KAZN: variants seen among roughly 807,000 people sequenced by gnomAD.
KAZN encodes the protein kazrin.
Under a neutral mutation model 87.4 loss-of-function variants are expected in KAZN, and 40 were observed. The observed-to-expected ratio is 0.46, with a 90% CI of 0.36 to 0.60. The LOEUF is 0.60. Ranked by LOEUF, KAZN falls within the 20% of genes least tolerant of loss-of-function variation. The probability of loss-of-function intolerance (pLI) is 0.00; values close to 1 mark genes in which losing one functional copy is unlikely to be tolerated. For synonymous variants in KAZN, 466 were observed against 458.3 expected, an observed-to-expected ratio of 1.02 and a Z score of -0.22; for missense variants, 898 against 1,073.9, an observed-to-expected ratio of 0.84 and a Z score of 2.29.
At chr1:14,498,049 T>A (rs942935131) in intron 2 of KAZN, among the ~76,000 whole-genome samples, 2 of 152,088 alleles carry the variant, frequency 1.3e-5, no homozygotes, top group African/African-American at 4.8e-5. Context: ...CTTCACCTCA[T>A]TCGTATTCAA....
At chr1:14,887,038 G>A (rs1029681904) in intron 1 of KAZN, among the ~76,000 whole-genome samples, 4 of 152,162 alleles carry the variant, frequency 2.6e-5, no homozygotes, top group Non-Finnish European at 4.4e-5. Flanking sequence ...CACGAGTGTG[G>A]TTGTGAGGAT....
rs1009729953 is a variant in KAZN, at chr1:14,722,159, A to T, written c.226+122936A>T. 2.7e-4 allele frequency among the ~76,000 whole-genome samples: 34 copies of T among 124,740 alleles called. 1 individual carries two copies. The highest frequency in any genetic ancestry group is 5.0e-4 in the Non-Finnish European group (27 of 53,566). 81.8% of individuals were successfully genotyped at this position (124,740 alleles called of 152,430 possible). ...GAGTGAGACTCTGTCTCAAAAAAAA[A>T]AAAGAATAAAAAATAAAAAATGGTG... is the stretch of plus-strand genomic sequence containing the variant. On this transcript the variant is annotated intron_variant, in intron 1 of 14. Coordinates refer to ENST00000376030, the MANE Select transcript of KAZN (RefSeq NM_201628.3).
At chr1:14,861,665 G>C (rs1650869542) in intron 1 of KAZN, among the ~76,000 whole-genome samples, 1 of 152,100 alleles carries the variant, frequency 6.6e-6, no homozygotes, top group Non-Finnish European at 1.5e-5. Flanking sequence ...GTGGGCATGG[G>C]GCTGGGGTCC....
intron 2 of KAZN, among the ~76,000 whole-genome samples, chr1:14,362,036 G>A (rs138442497): frequency 1.1e-4 from 16 of 152,268 alleles, no homozygotes; most frequent in African/African-American, 3.9e-4. Flanking sequence ...TTCAGAAACT[G>A]CCCAAAAGCC....
At chr1:14,207,420 C>T (rs1646768012) in intron 2 of KAZN, among the ~76,000 whole-genome samples, 1 of 152,100 alleles carries the variant, frequency 6.6e-6, no homozygotes, top group African/African-American at 2.4e-5. Flanking sequence ...CCCTCCCAAC[C>T]CGAGCATCAT....
chr1:14,574,216 G>A (rs1675042904), intron 2 of KAZN, among the ~76,000 whole-genome samples: 2 of 152,278 alleles, frequency 1.3e-5, no homozygotes, highest in Non-Finnish European at 2.9e-5. Context: ...ATAGCTTGGG[G>A]AAGTTGAACT....
chr1:14,016,961 C>T (rs1462169966), intron 1 of KAZN, among the ~76,000 whole-genome samples: 1 of 152,170 alleles, frequency 6.6e-6, no homozygotes, highest in African/African-American at 2.4e-5. Flanking sequence ...GCTGCTTTGG[C>T]AGAGTTTTGG....
At chr1:15,083,594 T>G (rs1640111851) in intron 8 of KAZN, among the ~76,000 whole-genome samples, 1 of 152,096 alleles carries the variant, frequency 6.6e-6, no homozygotes, top group Non-Finnish European at 1.5e-5. Flanking sequence ...CCAAGTTCAG[T>G]GGCAACACCC....
intron 2 of KAZN, among the ~76,000 whole-genome samples, chr1:14,386,717 C>T (rs1194103118): frequency 6.6e-6 from 1 of 152,040 alleles, no homozygotes; most frequent in Admixed American, 6.5e-5. Context: ...TTGAGGGTAA[C>T]ATGACCTTTC....
At chr1:15,107,809 G>A (rs1035318944) in intron 13 of KAZN, among the ~76,000 whole-genome samples, 2 of 152,120 alleles carry the variant, frequency 1.3e-5, no homozygotes, top group African/African-American at 2.4e-5. Context: ...ATGAGCTAGT[G>A]GTTTTAGGTT....
At chr1:14,301,746 G>C (rs951451762) in intron 2 of KAZN, among the ~76,000 whole-genome samples, 4 of 152,174 alleles carry the variant, frequency 2.6e-5, no homozygotes, top group Non-Finnish European at 5.9e-5. Context: ...ACGGGAGGCA[G>C]GTCCTAGCTG....
chr1:14,413,715 G>T (rs1664509726), intron 2 of KAZN, among the ~76,000 whole-genome samples: 1 of 150,284 alleles, frequency 6.7e-6, no homozygotes, highest in Admixed American at 6.6e-5. Flanking sequence ...ATGGTAATCT[G>T]AAGACATTAA....
At chr1:14,414,853 C>T (rs1398208952) in intron 2 of KAZN, among the ~76,000 whole-genome samples, 4 of 151,996 alleles carry the variant, frequency 2.6e-5, no homozygotes, top group African/African-American at 4.8e-5. Context: ...GGTGAAACCC[C>T]GTCTCTACTA....
chr1:14,420,883 T>TCCCTCCAGACCTC (rs1665368413), intron 2 of KAZN, among the ~76,000 whole-genome samples: 2 of 146,920 alleles, frequency 1.4e-5, no homozygotes, highest in Non-Finnish European at 3.0e-5. Context: ...CCCGCACCTC[T>TCCCTCCAGACCTC]CCCTCCACAC....
intron 1 of KAZN, among the ~76,000 whole-genome samples, chr1:13,918,798 A>G (rs10803435): frequency 0.24 from 35,910 of 152,156 alleles, 5,610 homozygotes; most frequent in East Asian, 0.51. Context: ...AAAGATTACA[A>G]CTTGCTAAAG....
chr1:15,097,857 T>C (rs369149092), intron 10 of KAZN, among the ~76,000 whole-genome samples: 3 of 152,292 alleles, frequency 2.0e-5, no homozygotes, highest in South Asian at 4.1e-4. Context: ...AGAGAAATCA[T>C]GAGCATAAAG....
At chr1:14,097,030 G>A (rs552491407) in intron 1 of KAZN, among the ~76,000 whole-genome samples, 1 of 152,334 alleles carries the variant, frequency 6.6e-6, no homozygotes, top group African/African-American at 2.4e-5. Context: ...GATGCTTTTG[G>A]TCAGGCAAAA....
intron 1 of KAZN, among the ~76,000 whole-genome samples, chr1:14,008,118 A>G (rs928189846): frequency 6.6e-6 from 1 of 152,204 alleles, no homozygotes; most frequent in African/African-American, 2.4e-5. Flanking sequence ...AGGTCAAGGC[A>G]TGCTGCTCCC....
At chr1:14,476,724 G>A (rs2148381474) in intron 2 of KAZN, among the ~76,000 whole-genome samples, 1 of 152,320 alleles carries the variant, frequency 6.6e-6, no homozygotes, top group East Asian at 1.9e-4. Flanking sequence ...CTCGTAGAGG[G>A]AAGACTGATA....
Sources: gnomAD v4.1 joint callset for allele counts (sites outside exome capture counted in the v4.1 genomes callset) on GRCh38, gnomAD v4.1.1 for gene constraint, MANE v1.5 for transcripts, NCBI Gene and HGNC (gene_info 2026-07-23, HGNC 2026-07-21) for gene names.